The following BTD variants were observed in gnomAD, a reference collection of about 807,000 sequenced individuals.
BTD encodes the protein biocytinase.
In BTD, 13 loss-of-function variants were observed where a neutral mutation model predicts 17.7. That is an observed-to-expected ratio of 0.74 (90% confidence interval 0.48 to 1.17). The LOEUF is 1.17. Ranked by LOEUF, BTD falls within the 50% of genes most tolerant of loss-of-function variation. The pLI is 0.00. For synonymous variants in BTD, 240 were observed against 245.2 expected (o/e 0.98, Z 0.20); for missense variants, 674 against 650.4 (o/e 1.04, Z -0.39).
chr3:15,667,363 AAGG>A (rs2066033066), intron 3 of BTD: 1 of 152,266 alleles, frequency 6.6e-6, no homozygotes, highest in Non-Finnish European at 1.5e-5. Context: ...TGTCTTGTTA[AAGG>A]AGGTCATTTG....
At chr3:15,718,246 T>C (rs904894462) in intron 4 of BTD, among the ~76,000 whole-genome samples, 1 of 152,144 alleles carries the variant, frequency 6.6e-6, no homozygotes, top group African/African-American at 2.4e-5. Flanking sequence ...AATTGGACAA[T>C]TGCATATAAA....
intron 2 of BTD, among the ~76,000 whole-genome samples, chr3:15,636,221 A>G (rs1287511349): frequency 1.3e-5 from 2 of 152,170 alleles, no homozygotes; most frequent in Non-Finnish European, 2.9e-5. Flanking sequence ...AGCTTCACTG[A>G]AGTAGTAAGC....
rs1177374887 is a variant in BTD at position 15,649,163 on chromosome 3, T to G, written c.*3675T>G. The stretch of plus-strand genomic sequence containing the variant: ...TTGCAAAATGGCCCATTCACACAGC[T>G]GGCACGTTGGTGCTGGCTGCTAGCA... On this transcript the variant is annotated 3_prime_UTR_variant, in exon 4 of 4. Coordinates refer to ENST00000643237, the MANE Select transcript of BTD (RefSeq NM_001370658.1). Among the ~76,000 whole-genome samples, 1 of 152,226 alleles carries G rather than the reference T, an allele frequency of 6.6e-6. No individual in the cohort carries two copies. Among genetic ancestry groups the G allele is most frequent in the Non-Finnish European group, 1.5e-5 (1 of 68,038 alleles).
chr3:15,714,095 A>G (rs1235194328), downstream of BTD, among the ~76,000 whole-genome samples: 1 of 152,210 alleles, frequency 6.6e-6, no homozygotes, highest in Non-Finnish European at 1.5e-5. Flanking sequence ...TGCCTTGGAA[A>G]ACACTGATTT....
chr3:15,670,762 C>A (rs2066255806), intron 3 of BTD, among the ~76,000 whole-genome samples: 1 of 152,124 alleles, frequency 6.6e-6, no homozygotes, highest in Non-Finnish European at 1.5e-5. Context: ...GGATGTTAGA[C>A]TAGACAACAG....
At chr3:15,604,453 A>G (rs2064382460) in intron 1 of BTD, among the ~76,000 whole-genome samples, 1 of 151,826 alleles carries the variant, frequency 6.6e-6, no homozygotes, top group Non-Finnish European at 1.5e-5. Flanking sequence ...CCATGAAACC[A>G]TTTTTCCTCC....
intron 1 of BTD, among the ~76,000 whole-genome samples, chr3:15,609,021 T>C (rs2064539842): frequency 6.6e-6 from 1 of 152,232 alleles, no homozygotes; most frequent in African/African-American, 2.4e-5. Context: ...GATTTATCTC[T>C]AGGGAAGAAT....
chr3:15,673,927 G>A (rs571613761), intron 3 of BTD, among the ~76,000 whole-genome samples: 195 of 152,168 alleles, frequency 1.3e-3, no homozygotes, highest in African/African-American at 4.1e-3. Context: ...GCCAGGTGGA[G>A]CACTCTGGGA....
chr3:15,606,021 T>TGTA (rs200833521), intron 1 of BTD, among the ~76,000 whole-genome samples: 35,209 of 129,838 alleles, frequency 0.27, 4,701 homozygotes, highest in Middle Eastern at 0.35. Flanking sequence ...CTAGCCTGGG[T>TGTA]GACAGAGCGA....
chr3:15,686,879 A>T (rs1171900672), intron 3 of BTD, among the ~76,000 whole-genome samples: 1 of 152,108 alleles, frequency 6.6e-6, no homozygotes, highest in Non-Finnish European at 1.5e-5. Context: ...GAATAACAGA[A>T]TTTAATCCAG....
rs369989394 is a variant in BTD at position 15,685,252 on chromosome 3, G to A, written c.400-24808G>A. On this transcript the variant is annotated intron_variant, in intron 3 of 3. Transcript: ENST00000672141. The stretch of plus-strand genomic sequence containing the variant: ...ATTGTAGCAAGCCCAGTGAAGTGCC[G>A]TATATCCATGATTGTCTGCTGTGGC... The A allele has an allele frequency of 4.1e-5, 66 of 1,613,820 alleles. No homozygotes were observed. The highest frequency in any genetic ancestry group is 1.3e-4 in the African/African-American group (10 of 74,908).
In BTD at chr3:15,653,309, G is replaced by A. The variant is rs553107287; in HGVS notation, c.*7821G>A. On this transcript the variant is annotated 3_prime_UTR_variant, in exon 4 of 4. Coordinates refer to ENST00000643237, the MANE Select transcript of BTD (RefSeq NM_001370658.1). ...GCGGTGCATACCAAAGCAGGTGCAC[G>A]GGTCTTAATCATCACCTCAGTCCTC... Among the ~76,000 whole-genome samples the A allele has an allele frequency of 5.3e-5, 8 of 152,356 alleles. No homozygotes were observed. In the South Asian group the frequency reaches 1.0e-3, roughly 20 times the overall value.
At chr3:15,634,948 G>A (rs1412332259) in intron 1 of BTD, among the ~76,000 whole-genome samples, 4 of 152,194 alleles carry the variant, frequency 2.6e-5, no homozygotes, top group African/African-American at 9.7e-5. Flanking sequence ...AGGTTTTGAT[G>A]GCCAGGAAAG....
At chr3:15,686,391 A>T in intron 3 of BTD, 1 of 1,165,618 alleles carries the variant, frequency 8.6e-7, no homozygotes, top group Non-Finnish European at 1.2e-6. Context: ...CATCTTCTAG[A>T]ATTTACTTTT....
chr3:15,674,567 G>A (rs887612073), intron 3 of BTD, among the ~76,000 whole-genome samples: 3 of 152,176 alleles, frequency 2.0e-5, no homozygotes, highest in African/African-American at 7.2e-5. Flanking sequence ...GATATATAGA[G>A]ACTGTGAGAA....
At position 15,652,482 on chromosome 3, in the gene BTD, T is replaced by C. The variant is rs1040739703; in HGVS notation, c.*6994T>C. ...CAGCTAGCTGCATGAGCGAGCCATG[T>C]TGGAAGTGGGTCCTCCAGCTGCAGT... On this transcript the variant is annotated 3_prime_UTR_variant, in exon 4 of 4. Coordinates refer to ENST00000643237, the MANE Select transcript of BTD (RefSeq NM_001370658.1). 2.1e-4 allele frequency among the ~76,000 whole-genome samples: 32 copies of C among 152,164 alleles called. No individual in the cohort carries two copies. Among genetic ancestry groups the C allele is most frequent in the African/African-American group, 7.7e-4 (32 of 41,412 alleles).
At chr3:15,679,213 T>C (rs888631084) in intron 3 of BTD, 15 of 1,278,438 alleles carry the variant, frequency 1.2e-5, no homozygotes, top group Middle Eastern at 1.9e-4. Context: ...CAAGTCATCC[T>C]CCCACTTCAG....
At chr3:15,683,956 A>C (rs2067815356) in intron 3 of BTD, 1 of 152,200 alleles carries the variant, frequency 6.6e-6, no homozygotes, top group Non-Finnish European at 1.5e-5. Flanking sequence ...TATTTATATA[A>C]AGAGACAACT....
chr3:15,635,511 C>G lies in BTD; in HGVS notation c.72C>G (p.Thr24=). 1 of 1,614,116 alleles carries G rather than the reference C, an allele frequency of 6.2e-7. No homozygotes were observed. Among genetic ancestry groups the G allele is most frequent in the Non-Finnish European group, 8.5e-7 (1 of 1,180,012 alleles). Residue 24 remains threonine, a synonymous_variant, in exon 2 of 4, where the codon ACC becomes ACG. Transcript: ENST00000643237. The surrounding 1 kb of genome is among the most constrained non-coding windows in gnomAD (Gnocchi z 4.1). The part of the protein sequence containing the change: ...GCYVVALGAH[T]GEESVADHHE... ...ACGTGGTTGCCCTGGGAGCCCACAC[C>G]GGGGAGGAGAGCGTGGCTGACCATC... is the stretch of plus-strand genomic sequence containing the variant.
Sources: allele counts gnomAD v4.1 joint callset (sites outside exome capture counted in the v4.1 genomes callset), GRCh38; gene constraint gnomAD v4.1.1; non-coding constraint Gnocchi (gnomAD v3.1); transcripts MANE v1.5; gene names NCBI Gene and HGNC (gene_info 2026-07-23, HGNC 2026-07-21).